CCSER1: variants seen among roughly 807,000 people sequenced by gnomAD.
The protein encoded by CCSER1 is coiled-coil serine rich protein 1.
CCSER1 carries 41 observed loss-of-function variants against 82.0 expected under a neutral mutation model. That is an observed-to-expected ratio of 0.50 (90% confidence interval 0.39 to 0.65). The LOEUF (loss-of-function observed/expected upper bound fraction) is 0.65, where lower values mean the gene tolerates loss of function less well. Ranked by LOEUF, CCSER1 falls within the 30% of genes least tolerant of loss-of-function variation. CCSER1 has a pLI of 0.00. For missense variants in CCSER1, 1,119 were observed against 1,064.2 expected (o/e 1.05, Z -0.72); for synonymous variants, 414 against 383.9 (o/e 1.08, Z -0.92).
intron 10 of CCSER1, among the ~76,000 whole-genome samples, chr4:91,514,630 A>C (rs1760002673): frequency 6.6e-6 from 1 of 151,554 alleles, no homozygotes; most frequent in African/African-American, 2.4e-5. Flanking sequence ...GGGTTCAAAA[A>C]TAGATTTTTA....
At chr4:90,367,123 A>G (rs890866256) in intron 3 of CCSER1, among the ~76,000 whole-genome samples, 1 of 152,042 alleles carries the variant, frequency 6.6e-6, no homozygotes, top group South Asian at 2.1e-4. Context: ...AAGAATTGTG[A>G]TAACTAACAC....
At chr4:91,209,218 T>TGATTGC (rs1310677475) in intron 10 of CCSER1, among the ~76,000 whole-genome samples, 1 of 151,994 alleles carries the variant, frequency 6.6e-6, no homozygotes, top group Non-Finnish European at 1.5e-5. Context: ...TTCATTTGCC[T>TGATTGC]GATTGCTCTG....
intron 3 of CCSER1, among the ~76,000 whole-genome samples, chr4:90,378,630 C>T (rs922705907): frequency 1.3e-5 from 2 of 152,088 alleles, no homozygotes; most frequent in Admixed American, 6.5e-5. Flanking sequence ...ACTGGCAACT[C>T]TGTGATATGT....
chr4:90,623,474 G>A (rs1223751548), intron 5 of CCSER1, among the ~76,000 whole-genome samples: 1 of 152,214 alleles, frequency 6.6e-6, no homozygotes, highest in Non-Finnish European at 1.5e-5. Context: ...GCTGTTAAGA[G>A]ATGAGGTTTT....
chr4:90,263,463 T>G (rs1724697529), intron 1 of CCSER1, among the ~76,000 whole-genome samples: 1 of 152,228 alleles, frequency 6.6e-6, no homozygotes, highest in African/African-American at 2.4e-5. Context: ...CTTAGTGTGC[T>G]GGCTTTTTCA....
chr4:90,882,888 C>A lies in CCSER1; in HGVS notation c.2095-40482C>A, dbSNP rs187316411. On this transcript the variant is annotated intron_variant, in intron 8 of 10. Coordinates refer to ENST00000509176, the MANE Select transcript of CCSER1 (RefSeq NM_001145065.2). ...TAAAAAGTATCACAGAAATAGTAGG[C>A]AGTATTTATCAAGCGCTTCATGTTT... Among the ~76,000 whole-genome samples, 1,026 of 151,986 alleles carry A rather than the reference C, an allele frequency of 6.8e-3. 15 individuals are homozygous for A. Among genetic ancestry groups the A allele is most frequent in the Non-Finnish European group, 0.012 (797 of 67,942 alleles).
intron 10 of CCSER1, among the ~76,000 whole-genome samples, chr4:91,529,201 A>G (rs1236402374): frequency 3.3e-5 from 5 of 152,160 alleles, no homozygotes; most frequent in African/African-American, 9.6e-5. Flanking sequence ...AATCCTTTCA[A>G]TAGCAGTGAA....
At chr4:90,950,193 T>G (rs1732740215) in intron 9 of CCSER1, among the ~76,000 whole-genome samples, 2 of 152,106 alleles carry the variant, frequency 1.3e-5, no homozygotes, top group Admixed American at 1.3e-4. Context: ...GAAAGTAAAA[T>G]TAAAAAGTCA....
At chr4:91,066,277 C>G (rs1276843812) in intron 9 of CCSER1, among the ~76,000 whole-genome samples, 1 of 152,072 alleles carries the variant, frequency 6.6e-6, no homozygotes, top group Non-Finnish European at 1.5e-5. Flanking sequence ...TGTTAAAATC[C>G]AAGCCATTCT....
intron 9 of CCSER1, among the ~76,000 whole-genome samples, chr4:91,032,021 A>G (rs552007104): frequency 2.2e-4 from 34 of 152,182 alleles, no homozygotes; most frequent in Non-Finnish European, 4.1e-4. Context: ...TTGTCACTTC[A>G]ACCAGCTCTG....
chr4:90,157,569 G>T (rs557691919), intron 1 of CCSER1, among the ~76,000 whole-genome samples: 37 of 152,018 alleles, frequency 2.4e-4, no homozygotes, highest in African/African-American at 8.7e-4. Flanking sequence ...GGCTTTGTTC[G>T]TTTCTTTTTA....
intron 10 of CCSER1, among the ~76,000 whole-genome samples, chr4:91,586,468 G>A (rs1455960703): frequency 1.3e-5 from 2 of 151,654 alleles, no homozygotes; most frequent in African/African-American, 2.4e-5. Context: ...TGTGACCAGA[G>A]AAACAGGAGA....
At chr4:90,799,349 G>A (rs1756475262) in intron 7 of CCSER1, among the ~76,000 whole-genome samples, 1 of 152,292 alleles carries the variant, frequency 6.6e-6, no homozygotes, top group East Asian at 1.9e-4. Flanking sequence ...GGCGGAGGGT[G>A]GGGGACAGAC....
intron 10 of CCSER1, among the ~76,000 whole-genome samples, chr4:91,168,762 G>A (rs1400738206): frequency 6.6e-6 from 1 of 151,866 alleles, no homozygotes; most frequent in Admixed American, 6.6e-5. Flanking sequence ...AAAAGAAAAG[G>A]GGGAAATGTG....
intron 8 of CCSER1, among the ~76,000 whole-genome samples, chr4:90,828,190 C>A (rs1358460403): frequency 6.6e-6 from 1 of 152,150 alleles, no homozygotes; most frequent in Non-Finnish European, 1.5e-5. Context: ...ATCCAACATA[C>A]CTCAAGTGCT....
intron 1 of CCSER1, among the ~76,000 whole-genome samples, chr4:90,273,247 G>A (rs988822941): frequency 6.6e-6 from 1 of 152,022 alleles, no homozygotes; most frequent in African/African-American, 2.4e-5. Context: ...GGGAAGATGG[G>A]ATAGTTAATG....
At chr4:90,960,203 A>G (rs1733927705) in intron 9 of CCSER1, among the ~76,000 whole-genome samples, 2 of 152,118 alleles carry the variant, frequency 1.3e-5, no homozygotes, top group South Asian at 4.1e-4. Context: ...GATTTTACGT[A>G]ATGCTTTTAT....
intron 10 of CCSER1, among the ~76,000 whole-genome samples, chr4:91,106,545 C>G (rs1303698739): frequency 6.6e-6 from 1 of 152,148 alleles, no homozygotes; most frequent in Non-Finnish European, 1.5e-5. Flanking sequence ...GTCTATCTTG[C>G]CTACCTATTC....
chr4:90,970,057 A>G (rs765570688), intron 9 of CCSER1, among the ~76,000 whole-genome samples: 28 of 151,990 alleles, frequency 1.8e-4, no homozygotes, highest in South Asian at 6.2e-4. Flanking sequence ...GAAACTGCAA[A>G]ATGTTCAGAA....
Sources: gnomAD v4.1 joint callset for allele counts (sites outside exome capture counted in the v4.1 genomes callset) on GRCh38, gnomAD v4.1.1 for gene constraint, MANE v1.5 for transcripts, NCBI Gene and HGNC (gene_info 2026-07-23, HGNC 2026-07-21) for gene names.